HSF4: variants seen among roughly 807,000 people sequenced by gnomAD.
HSF4 encodes heat shock transcription factor 4, also known as heat shock factor protein 4.
A neutral mutation model predicts 52.0 loss-of-function variants in HSF4; 41 were observed. The ratio of observed to expected loss-of-function variants is 0.79; its 90% CI spans 0.61 to 1.02. The LOEUF (loss-of-function observed/expected upper bound fraction) is 1.02. Ranked by LOEUF, HSF4 falls within the 50% of genes least tolerant of loss-of-function variation. The pLI is 0.00. For missense variants in HSF4, 610 were observed against 651.1 expected, an observed-to-expected ratio of 0.94 and a Z score of 0.69; for synonymous variants, 285 against 273.0, an observed-to-expected ratio of 1.04 and a Z score of -0.43.
rs748085405 is a variant in HSF4 at position 67,168,841 on chromosome 16, G to A, written c.1093G>A (p.Gly365Ser). The change falls in exon 10 of 13, where the codon GGC (glycine) becomes AGC (serine). Residue 365 changes from glycine to serine, a missense_variant. By Grantham distance (56) the Gly-to-Ser change is moderately conservative. Transcript: ENST00000521374. ...GTTCTGTCTGCACAGGGGGCCTCTG[G>A]GCCTGGAAAGCGGGGACAGGAGCCC... is the stretch of plus-strand genomic sequence containing the variant. ...PREIPDRGPL[G>S]LESGDRSPES... is the part of the protein sequence containing the mutation. The A allele has an allele frequency of 7.4e-6, 12 of 1,613,598 alleles. No homozygotes were observed. Among genetic ancestry groups the A allele is most frequent in the Admixed American group, 1.7e-5 (1 of 60,006 alleles).
rs375514297 is a variant in HSF4 at position 67,165,808 on chromosome 16, C to T, written c.322C>T (p.Arg108Cys). The change falls in exon 3 of 13, where the codon CGC (arginine) becomes TGC (cysteine). Residue 108 changes from arginine to cysteine, a missense_variant. Transcript: ENST00000521374. The surrounding 1 kb of genome is among the most constrained non-coding windows in gnomAD (Gnocchi z 6.9). ...CGAGTTCCAGCACCCGAGCTTCGTG[C>T]GCGGCCGCGAGCAGCTACTGGAGCG... ...HVEFQHPSFV[R>C]GREQLLERVR... is the part of the protein sequence containing the mutation. 12 of 1,607,852 alleles carry T rather than the reference C, an allele frequency of 7.5e-6. No individual in the cohort carries two copies. Among genetic ancestry groups the T allele is most frequent in the Non-Finnish European group, 8.5e-7 (1 of 1,179,470 alleles).
rs2031181121 is a variant in HSF4, at chr16:67,165,408, C to A, written c.124-114C>A. 7 of 991,126 alleles carry A rather than the reference C, an allele frequency of 7.1e-6. No homozygotes were observed. Among genetic ancestry groups the A allele is most frequent in the African/African-American group, 1.6e-5 (1 of 62,468 alleles). The allele number at this position is 991,126 out of a possible 1,614,324, so 61.4% of individuals were successfully genotyped here. A position where few individuals can be genotyped will look rare whatever the true frequency, so the allele number is the denominator to read the frequency against. On this transcript the variant is annotated intron_variant, in intron 1 of 12. Coordinates refer to ENST00000521374, the MANE Select transcript of HSF4 (RefSeq NM_001374675.1). The surrounding 1 kb of genome is among the most constrained non-coding windows in gnomAD (Gnocchi z 6.9). ...TATCCCCGTAAGCGGCAGGCCTGGA[C>A]CCAAGAGTGAGCATGAGTGTGTGCG... is the stretch of plus-strand genomic sequence containing the variant.
chr16:67,166,381 C>G lies in HSF4; in HGVS notation c.547C>G (p.Arg183Gly), dbSNP rs371071221. Residue 183 changes from arginine (R) to glycine (G), a missense_variant, in exon 5 of 13, where the codon CGG becomes GGG. Transcript: ENST00000521374. The stretch of plus-strand genomic sequence containing the variant: ...TCGGCAGAGCCACGGTCAGCAGCAC[C>G]GGGTCATTGGCAAGGTGTTCCTCTC... ...TLRQSHGQQH[R>G]VIGKLIQCLF... The G allele has an allele frequency of 6.2e-7, 1 of 1,609,628 alleles. No homozygotes were observed. Among genetic ancestry groups the G allele is most frequent in the Non-Finnish European group, 8.5e-7 (1 of 1,178,038 alleles).
Position 67,168,922 on chromosome 16 carries a change from G to T in HSF4, c.1174G>T (p.Ala392Ser), listed in dbSNP as rs1358879808. 1 of 1,613,906 alleles carries T rather than the reference G, an allele frequency of 6.2e-7. No individual in the cohort carries two copies. The highest frequency in any genetic ancestry group is 8.5e-7 in the Non-Finnish European group (1 of 1,179,950). ...LQPPQESVEP[A>S]GPLDVLGPSL... ...GCCCCCTCAAGAAAGTGTGGAACCT[G>T]CAGGGCCTCTAGATGTGAGTACCCC... The change falls in exon 10 of 13, where the codon GCA becomes TCA. Residue 392 changes from alanine to serine, a missense_variant. Coordinates refer to ENST00000521374, the MANE Select transcript of HSF4 (RefSeq NM_001374675.1).
upstream of HSF4, chr16:67,163,895 C>T (rs1300786495): frequency 3.9e-6 from 6 of 1,524,478 alleles, no homozygotes; most frequent in East Asian, 1.2e-4. Context: ...CCAGGCGCGC[C>T]CCGAGTGCTA....
Position 67,164,931 on chromosome 16 carries a change from C to A in HSF4, c.120C>A (p.Ser40Arg), listed in dbSNP as rs1427523784. ...GCACAGACCACCTGATCCGCTGGAG[C>A]CCGGTGAGGGCCGGGGCCCCTCGAT... ...DPGTDHLIRW[S>R]PSGTSFLVSD... The change falls in exon 1 of 13, where the codon AGC becomes AGA. Residue 40 changes from serine to arginine, a missense_variant. Physicochemically the swap from Ser to Arg is moderately radical, Grantham distance 110. Coordinates refer to ENST00000521374, the MANE Select transcript of HSF4 (RefSeq NM_001374675.1). The A allele has an allele frequency of 6.2e-7, 1 of 1,605,008 alleles. No individual in the cohort carries two copies. The highest frequency in any genetic ancestry group is 8.5e-7 in the Non-Finnish European group (1 of 1,178,208).
intron 7 of HSF4, 118 bp downstream of exon 7, chr16:67,167,340 C>T: frequency 6.2e-7 from 1 of 1,609,694 alleles, no homozygotes; most frequent in Non-Finnish European, 8.5e-7. Context: ...CCCAACCAGA[C>T]CCAGGCCCTC....
chr16:67,163,903 C>T (rs1433171790), upstream of HSF4: 10 of 1,520,480 alleles, frequency 6.6e-6, no homozygotes, highest in Non-Finnish European at 8.8e-6. Context: ...GCCCCGAGTG[C>T]TAGTGCCTTC....
At position 67,169,379 on chromosome 16, in the gene HSF4, G is replaced by A; in HGVS notation, c.1324+31G>A. 6.2e-7 allele frequency: 1 copy of A among 1,605,026 alleles called. No individual in the cohort carries two copies. Among genetic ancestry groups the A allele is most frequent in the Non-Finnish European group, 8.5e-7 (1 of 1,175,664 alleles). On this transcript the variant is annotated intron_variant, in intron 12 of 12. Transcript: ENST00000521374. The surrounding 1 kb of genome is among the most constrained non-coding windows in gnomAD (Gnocchi z 4.3). ...GGTTGTGATGACTCCTACCTGGGAG[G>A]ACGCCGTGATTGGGCTGAGCTACCT...
rs2031428994 is a variant in HSF4 at position 67,167,958 on chromosome 16, C to G, written c.1082+11C>G. ...GGAGATACCTGACAGGTGAGCAGAG[C>G]CCCAGCTGGCCCATGAGCCCTGTGA... On this transcript the variant is annotated intron_variant, in intron 9 of 12. Coordinates refer to ENST00000521374, the MANE Select transcript of HSF4 (RefSeq NM_001374675.1). 4 of 1,566,008 alleles carry G rather than the reference C, an allele frequency of 2.6e-6. No homozygotes were observed. Among genetic ancestry groups the G allele is most frequent in the Non-Finnish European group, 3.4e-6 (4 of 1,160,170 alleles).
At chr16:67,168,586 T>C (rs570694318) in intron 9 of HSF4, among the ~76,000 whole-genome samples, 2 of 152,072 alleles carry the variant, frequency 1.3e-5, no homozygotes, top group Admixed American at 6.5e-5. Flanking sequence ...GATACTTGCA[T>C]AGGGAGGGGA....
intron 1 of HSF4, 26 bp downstream of exon 1, chr16:67,164,960 C>A: frequency 5.1e-6 from 8 of 1,578,054 alleles, no homozygotes; most frequent in Non-Finnish European, 6.9e-6. Flanking sequence ...CCTCGATTCC[C>A]CCTGTGGTCC....
intron 7 of HSF4, 66 bp from the exon 8 acceptor site, chr16:67,167,408 TG>T: frequency 6.2e-7 from 1 of 1,612,766 alleles, no homozygotes; most frequent in Non-Finnish European, 8.5e-7. Context: ...CCCAGGTGGG[TG>T]TTGGTGGGGT....
chr16:67,169,701 C>A lies in HSF4; in HGVS notation c.1395C>A (p.Gly465=), dbSNP rs28364624. 309 of 1,612,964 alleles carry A rather than the reference C, an allele frequency of 1.9e-4. 4 individuals are homozygous for A. The East Asian group carries it at 6.8e-3, about 36-fold the overall frequency. Residue 465 remains glycine, a synonymous_variant, in exon 13 of 13, where the codon GGC becomes GGA. Coordinates refer to ENST00000521374, the MANE Select transcript of HSF4 (RefSeq NM_001374675.1). This position sits in a 1 kb window ranked among gnomAD's most constrained non-coding sequence, Gnocchi z 4.3. ...VQAALGGPAL[G]LPGALTIYST... ...CGGCCTTGGGAGGCCCAGCCCTGGG[C>A]CTGCCTGGGGCTTTAACCATTTATA...
chr16:67,164,438 T>A (rs903230074), upstream of HSF4: 5 of 491,488 alleles, frequency 1.0e-5, no homozygotes, highest in Admixed American at 1.2e-4. Context: ...CATTACCTTC[T>A]AGGACTTGCC....
upstream of HSF4, chr16:67,163,988 T>A: frequency 1.0e-6 from 1 of 986,012 alleles, no homozygotes. Flanking sequence ...CTGGGCGCCC[T>A]GAGACCACTC....
chr16:67,168,782 C>A, intron 9 of HSF4, 49 bp from the exon 10 acceptor site: 1 of 1,428,652 alleles, frequency 7.0e-7, no homozygotes, highest in Non-Finnish European at 9.9e-7. Flanking sequence ...TCCTTGGGAA[C>A]TTAATGCGGG....
rs563615565 is a variant in HSF4, at chr16:67,165,476, C to T, written c.124-46C>T. 207 of 1,566,562 alleles carry T rather than the reference C, an allele frequency of 1.3e-4. 2 individuals are homozygous for T. The South Asian group carries it at 2.2e-3, about 17-fold the overall frequency. On this transcript the variant is annotated intron_variant, in intron 1 of 12. Coordinates refer to ENST00000521374, the MANE Select transcript of HSF4 (RefSeq NM_001374675.1). The surrounding 1 kb of genome is among the most constrained non-coding windows in gnomAD (Gnocchi z 6.9). ...CTGGCCGTGAGCGGGCACCGCTCAC[C>T]CTCCTGGTCTCCGCCCGCACGGTGG...
Position 67,166,470 on chromosome 16 carries a change from C to T in HSF4, c.561+75C>T, listed in dbSNP as rs1023258223. ...ATTCCACCGCCCAGTCCCCCGGCGCCCCTGTTAAGCCTTCCTCCCTCACCT... is the reference window on the plus strand; with the variant it reads ...ATTCCACCGCCCAGTCCCCCGGCGCTCCTGTTAAGCCTTCCTCCCTCACCT... On this transcript the variant is annotated intron_variant, in intron 5 of 12. Coordinates refer to ENST00000521374, the MANE Select transcript of HSF4 (RefSeq NM_001374675.1). 1.7e-5 allele frequency: 27 copies of T among 1,596,214 alleles called. No individual in the cohort carries two copies. The African/African-American group carries it at 3.0e-4, about 17-fold the overall frequency.
Sources: allele counts gnomAD v4.1 joint callset (sites outside exome capture counted in the v4.1 genomes callset), GRCh38; gene constraint gnomAD v4.1.1; non-coding constraint Gnocchi (gnomAD v3.1); transcripts MANE v1.5; gene names NCBI Gene and HGNC (gene_info 2026-07-23, HGNC 2026-07-21).